Variants in ADGRB1 observed in about 807,000 individuals in gnomAD.
The protein encoded by ADGRB1 is adhesion G protein-coupled receptor B1.
In ADGRB1, 36 loss-of-function variants were observed where a neutral mutation model predicts 175.7. The observed-to-expected ratio is 0.20, with a 90% confidence interval of 0.16 to 0.27. The LOEUF (loss-of-function observed/expected upper bound fraction) is 0.27. ADGRB1 is among the 10% of genes least tolerant of loss of function. ADGRB1 has a pLI of 1.00. For synonymous variants in ADGRB1, 1,054 were observed against 979.4 expected, an observed-to-expected ratio of 1.08 and a Z score of -1.42; for missense variants, 1,731 against 2,255.3, an observed-to-expected ratio of 0.77 and a Z score of 4.71.
intron 11 of ADGRB1, 120 bp from the exon 12 acceptor site, chr8:142,483,857 G>A (rs1382354879): frequency 9.4e-6 from 10 of 1,062,608 alleles, no homozygotes; most frequent in Non-Finnish European, 1.3e-5. Context: ...ACTGAGCCCT[G>A]ATCCTGGTCA....
Position 142,475,457 on chromosome 8 carries a change from C to T in ADGRB1, c.785-17C>T, listed in dbSNP as rs764651088. 2.3e-6 allele frequency: 3 copies of T among 1,287,768 alleles called. No homozygotes were observed. Among genetic ancestry groups the T allele is most frequent in the Middle Eastern group, 2.0e-4 (1 of 4,914 alleles). 79.8% of individuals were successfully genotyped at this position (1,287,768 alleles called of 1,614,324 possible). A position where few individuals can be genotyped will look rare whatever the true frequency, so the allele number is the denominator to read the frequency against. ...CCCCTGCCCTGCCCTGATCCCCGCCCTCTGGTTTCCCCCCAGGCGGCTGGA... is the reference window on the plus strand; with the variant it reads ...CCCCTGCCCTGCCCTGATCCCCGCCTTCTGGTTTCCCCCCAGGCGGCTGGA... On this transcript the variant is annotated splice_polypyrimidine_tract_variant and intron_variant, in intron 2 of 30. Coordinates refer to ENST00000517894, the MANE Select transcript of ADGRB1 (RefSeq NM_001702.3).
intron 18 of ADGRB1, among the ~76,000 whole-genome samples, chr8:142,515,528 C>G (rs896640013): frequency 3.9e-5 from 6 of 152,162 alleles, no homozygotes; most frequent in Admixed American, 2.6e-4. Context: ...TGGGCCTGAG[C>G]CAGCCTCAGA....
chr8:142,479,369 C>A lies in ADGRB1; in HGVS notation c.1608C>A (p.Val536=), dbSNP rs1563694995. Residue 536 remains valine, a synonymous_variant, in exon 8 of 31, where the codon GTC becomes GTA. Transcript: ENST00000517894. ...GGGCGTCATGGGGCAGTTGCAGCGT[C>A]ACGTGTGGGGCTGGCAGCCAGCGAC... ...QAWASWGSCS[V]TCGAGSQRRE... is the part of the protein sequence containing the mutation. 2 of 1,535,264 alleles carry A rather than the reference C, an allele frequency of 1.3e-6. No homozygotes were observed. Among genetic ancestry groups the A allele is most frequent in the East Asian group, 4.7e-5 (2 of 42,462 alleles).
intron 19 of ADGRB1, among the ~76,000 whole-genome samples, chr8:142,520,116 TTGTA>T (rs1405916183): frequency 1.2e-4 from 16 of 137,424 alleles, no homozygotes; most frequent in African/African-American, 2.0e-4. Flanking sequence ...GTGGTAATGA[TTGTA>T]TGATGATGAT....
intron 1 of ADGRB1, among the ~76,000 whole-genome samples, chr8:142,451,328 C>A (rs1298872977): frequency 6.6e-6 from 1 of 152,318 alleles, no homozygotes; most frequent in Admixed American, 6.5e-5. Context: ...CCGCTGGGCA[C>A]CTTACCCCTT....
At chr8:142,526,410 G>A (rs1844191739) in intron 23 of ADGRB1, 132 bp from the exon 24 acceptor site, 1 of 778,286 alleles carries the variant, frequency 1.3e-6, no homozygotes, top group Non-Finnish European at 2.2e-6. Flanking sequence ...TTCCTGTGAT[G>A]GAGGCACGGG....
At position 142,475,529 on chromosome 8, in the gene ADGRB1, C is replaced by T; in HGVS notation, c.840C>T (p.Gly280=). 1 of 1,292,424 alleles carries T rather than the reference C, an allele frequency of 7.7e-7. No homozygotes were observed. 80.1% of individuals were successfully genotyped at this position (1,292,424 alleles called of 1,614,324 possible). Residue 280 remains glycine (G), a synonymous_variant, in exon 3 of 31, where the codon GGC becomes GGT. Coordinates refer to ENST00000517894, the MANE Select transcript of ADGRB1 (RefSeq NM_001702.3). ...AATGCACGCGGGACTGCGGGGGAGG[C>T]CTCCAGACGCGGACGCGCACCTGCC... The part of the protein sequence containing the change: ...WGECTRDCGG[G]LQTRTRTCLP...
At chr8:142,468,209 C>CAT (rs534253483) in intron 2 of ADGRB1, among the ~76,000 whole-genome samples, 3 of 150,066 alleles carry the variant, frequency 2.0e-5, no homozygotes, top group African/African-American at 7.4e-5. Context: ...AGTGTGGGTG[C>CAT]GTGTGTGTGT....
At chr8:142,524,743 G>C (rs56050908) in intron 23 of ADGRB1, among the ~76,000 whole-genome samples, 7 of 151,946 alleles carry the variant, frequency 4.6e-5, no homozygotes, top group Non-Finnish European at 1.0e-4. Context: ...CGGGGGCCCC[G>C]GTGAGGACCT....
At chr8:142,530,689 C>T (rs1201396590) in intron 24 of ADGRB1, among the ~76,000 whole-genome samples, 1 of 152,176 alleles carries the variant, frequency 6.6e-6, no homozygotes, top group Non-Finnish European at 1.5e-5. Flanking sequence ...TAGTGTTGCC[C>T]TTTCTTTGTC....
rs1453093044 is a variant in ADGRB1 at position 142,543,232 on chromosome 8, A to G, written c.4414-171A>G. On this transcript the variant is annotated intron_variant, in intron 28 of 30. Coordinates refer to ENST00000517894, the MANE Select transcript of ADGRB1 (RefSeq NM_001702.3). This position sits in a 1 kb window ranked among gnomAD's most constrained non-coding sequence, Gnocchi z 4.4. ...TGCTGCTCGCTGGCACCCAGCGCAT[A>G]GCTGGAGGAGCTGCCTCAGTGCGCC... Among the ~76,000 whole-genome samples the G allele has an allele frequency of 6.6e-6, 1 of 152,106 alleles. No homozygotes were observed. Among genetic ancestry groups the G allele is most frequent in the African/African-American group, 2.4e-5 (1 of 41,418 alleles).
Position 142,543,766 on chromosome 8 carries a change from C to G in ADGRB1, c.4557+58C>G. 1 of 1,439,450 alleles carries G rather than the reference C, an allele frequency of 6.9e-7. No homozygotes were observed. Among genetic ancestry groups the G allele is most frequent in the Admixed American group, 2.0e-5 (1 of 50,702 alleles). The allele number at this position is 1,439,450 out of a possible 1,614,324, so 89.2% of individuals were successfully genotyped here. ...AGCCCTTAGGTCAGGCCACCGTCTC[C>G]CTTCTTCCCTGGATTTGTGCACTTC... On this transcript the variant is annotated intron_variant, in intron 30 of 30. Coordinates refer to ENST00000517894, the MANE Select transcript of ADGRB1 (RefSeq NM_001702.3). This position sits in a 1 kb window ranked among gnomAD's most constrained non-coding sequence, Gnocchi z 4.4.
chr8:142,488,841 G>A lies in ADGRB1; in HGVS notation c.2453-194G>A, dbSNP rs375834979. Among the ~76,000 whole-genome samples the A allele has an allele frequency of 1.8e-3, 279 of 152,276 alleles. 1 individual carries two copies. The Middle Eastern group carries it at 0.031, about 17-fold the overall frequency. ...AATGGCCCGGTCTCCCTCTTCCCAC[G>A]TGGCTGTTGCCCCAGCTCCCTGGCT... On this transcript the variant is annotated intron_variant, in intron 14 of 30. Coordinates refer to ENST00000517894, the MANE Select transcript of ADGRB1 (RefSeq NM_001702.3).
At chr8:142,453,684 A>C (rs976594137) in intron 1 of ADGRB1, among the ~76,000 whole-genome samples, 1 of 152,118 alleles carries the variant, frequency 6.6e-6, no homozygotes, top group Non-Finnish European at 1.5e-5. Context: ...GGCAGGGGGC[A>C]AGGGGGAGGG....
chr8:142,542,598 C>T lies in ADGRB1; in HGVS notation c.4364C>T (p.Pro1455Leu). The stretch of plus-strand genomic sequence containing the variant: ...GCCCATCCGGGACCCAGCACGGGGC[C>T]CAGCACCAAGAACGAGAATGTCGCC... The part of the protein sequence containing the change: ...PAAHPGPSTG[P>L]STKNENVATL... Residue 1455 changes from proline (P) to leucine (L), a missense_variant, in exon 28 of 31, where the codon CCC becomes CTC. Physicochemically the swap from Pro to Leu is moderately conservative, Grantham distance 98. Around this residue, in one of 8 missense-constraint regions of ADGRB1, gnomAD observed 394 missense variants for 410.2 expected, o/e 0.96. Coordinates refer to ENST00000517894, the MANE Select transcript of ADGRB1 (RefSeq NM_001702.3). The surrounding 1 kb of genome is among the most constrained non-coding windows in gnomAD (Gnocchi z 6.3). The T allele has an allele frequency of 1.3e-6, 2 of 1,548,900 alleles. No individual in the cohort carries two copies. Among genetic ancestry groups the T allele is most frequent in the Non-Finnish European group, 1.7e-6 (2 of 1,147,274 alleles).
chr8:142,467,912 T>C (rs1219853230), intron 2 of ADGRB1, among the ~76,000 whole-genome samples: 1 of 152,204 alleles, frequency 6.6e-6, no homozygotes. Context: ...GCTCGCGTAT[T>C]CTTAGGCAGG....
chr8:142,464,370 G>A lies in ADGRB1; in HGVS notation c.172G>A (p.Ala58Thr), dbSNP rs774574013. The change falls in exon 2 of 31, where the codon GCC becomes ACC. Residue 58 changes from alanine (A) to threonine (T), a missense_variant. By Grantham distance (58) the Ala-to-Thr change is moderately conservative (BLOSUM62 0). Around this residue, in one of 8 missense-constraint regions of ADGRB1, gnomAD observed 383 missense variants for 383.1 expected, o/e 1.00. Transcript: ENST00000517894. ...AAAGTTCTTCGGCTACTTCTCCGCG[G>A]CCGCCGTGTTCCCGGCCAACGCCTC... ...QGKFFGYFSA[A>T]AVFPANASRC... 2 of 1,521,952 alleles carry A rather than the reference G, an allele frequency of 1.3e-6. No homozygotes were observed. Among genetic ancestry groups the A allele is most frequent in the Non-Finnish European group, 8.8e-7 (1 of 1,139,024 alleles). 94.3% of individuals were successfully genotyped at this position (1,521,952 alleles called of 1,614,324 possible).
chr8:142,501,680 G>A (rs1364734340), intron 17 of ADGRB1, among the ~76,000 whole-genome samples: 3 of 133,736 alleles, frequency 2.2e-5, no homozygotes, highest in Non-Finnish European at 3.2e-5. Flanking sequence ...TGTTTGTGTG[G>A]TTTTGACGAT....
At chr8:142,529,225 C>A (rs1332453347) in intron 24 of ADGRB1, among the ~76,000 whole-genome samples, 1 of 151,202 alleles carries the variant, frequency 6.6e-6, no homozygotes, top group African/African-American at 2.4e-5. Context: ...TGCATGCATG[C>A]CACTGGGGGT....
Sources: gnomAD v4.1 joint callset for allele counts (sites outside exome capture counted in the v4.1 genomes callset) on GRCh38, gnomAD v4.1.1 for gene constraint, gnomAD v4.1.1 regional missense constraint, Gnocchi (gnomAD v3.1) non-coding constraint, MANE v1.5 for transcripts, NCBI Gene and HGNC (gene_info 2026-07-23, HGNC 2026-07-21) for gene names.